The following BICC1 variants were observed in gnomAD, a reference collection of about 807,000 sequenced individuals.
BICC1 encodes protein bicaudal C homolog 1.
BICC1 carries 43 observed loss-of-function variants against 111.0 expected under a neutral mutation model. That is an observed-to-expected ratio of 0.39 (90% CI 0.30 to 0.50). The LOEUF is 0.50. Among genes scored for constraint, BICC1 ranks in the 20% least tolerant of loss-of-function variants. The pLI, the probability that BICC1 is intolerant of heterozygous loss-of-function variation, is 0.88. For missense variants in BICC1, 1,091 were observed against 1,203.2 expected (o/e 0.91, Z 1.38); for synonymous variants, 467 against 434.4 (o/e 1.07, Z -0.93).
Position 58,821,788 on chromosome 10 carries a change from T to C in BICC1, c.2794+1320T>C, listed in dbSNP as rs1287402805. 2.0e-5 allele frequency among the ~76,000 whole-genome samples: 3 copies of C among 152,168 alleles called. No homozygotes were observed. The East Asian group carries it at 5.8e-4, about 29-fold the overall frequency. ...GAACACTGGATTCAATTAGGAGATCTGGGCTTTACTTATGCTAAGTCATGA... is the reference window on the plus strand; with the variant it reads ...GAACACTGGATTCAATTAGGAGATCCGGGCTTTACTTATGCTAAGTCATGA... On this transcript the variant is annotated intron_variant, in intron 20 of 20. Coordinates refer to ENST00000373886, the MANE Select transcript of BICC1 (RefSeq NM_001080512.3).
intron 1 of BICC1, among the ~76,000 whole-genome samples, chr10:58,524,373 C>G (rs1296705055): frequency 2.0e-5 from 3 of 152,012 alleles, no homozygotes; most frequent in East Asian, 1.9e-4. Flanking sequence ...TGGAACAGAA[C>G]AGAGCCCTCA....
chr10:58,653,286 T>G (rs1838509699), intron 2 of BICC1, among the ~76,000 whole-genome samples: 1 of 152,128 alleles, frequency 6.6e-6, no homozygotes, highest in Non-Finnish European at 1.5e-5. Context: ...TAACCAGAAA[T>G]AGTTTTGGGA....
chr10:58,816,491 A>C (rs1345970715), intron 18 of BICC1, among the ~76,000 whole-genome samples: 1 of 152,168 alleles, frequency 6.6e-6, no homozygotes, highest in Non-Finnish European at 1.5e-5. Context: ...TTGGGAGATG[A>C]AAACAACTGG....
intron 2 of BICC1, among the ~76,000 whole-genome samples, chr10:58,628,532 A>G (rs1056485038): frequency 6.6e-6 from 1 of 152,090 alleles, no homozygotes; most frequent in Non-Finnish European, 1.5e-5. Flanking sequence ...TCTTTTCTTC[A>G]GACCAAAGAT....
chr10:58,753,851 C>T (rs919018551), intron 3 of BICC1, among the ~76,000 whole-genome samples: 1 of 151,904 alleles, frequency 6.6e-6, no homozygotes, highest in African/African-American at 2.4e-5. Context: ...GCCATTTTTC[C>T]CTATTCCGTA....
Position 58,822,181 on chromosome 10 carries a change from C to G in BICC1, c.2794+1713C>G, listed in dbSNP as rs571128919. Among the ~76,000 whole-genome samples, 6 of 152,174 alleles carry G rather than the reference C, an allele frequency of 3.9e-5. No homozygotes were observed. In the South Asian group the frequency reaches 1.2e-3, roughly 32 times the overall value. On this transcript the variant is annotated intron_variant, in intron 20 of 20. Transcript: ENST00000373886. ...TACCTGTACTGTTGAAATATGCCTG[C>G]AGGCCAGCAATTTTCTATCAGTGAA...
intron 1 of BICC1, among the ~76,000 whole-genome samples, chr10:58,568,036 G>T (rs548447825): frequency 6.6e-6 from 1 of 152,248 alleles, no homozygotes; most frequent in South Asian, 2.1e-4. Flanking sequence ...TGATCATTTT[G>T]CAGTCAGTGG....
At position 58,823,628 on chromosome 10, in the gene BICC1, A is replaced by G. The variant is rs547171749; in HGVS notation, c.2794+3160A>G. 4 of 985,330 alleles carry G rather than the reference A, an allele frequency of 4.1e-6. No homozygotes were observed. The South Asian group carries it at 1.9e-4, about 46-fold the overall frequency. 61.0% of individuals were successfully genotyped at this position (985,330 alleles called of 1,614,324 possible). ...ATGGCCCAGTTGTTGTCATGTGCTCAGTTATACATGTTATATATGCTAAAG... is the reference window on the plus strand; with the variant it reads ...ATGGCCCAGTTGTTGTCATGTGCTCGGTTATACATGTTATATATGCTAAAG... On this transcript the variant is annotated intron_variant, in intron 20 of 20. Coordinates refer to ENST00000373886, the MANE Select transcript of BICC1 (RefSeq NM_001080512.3).
chr10:58,644,352 G>A (rs1838206245), intron 2 of BICC1, among the ~76,000 whole-genome samples: 1 of 152,214 alleles, frequency 6.6e-6, no homozygotes, highest in Non-Finnish European at 1.5e-5. Flanking sequence ...ACCACTCCCT[G>A]TGTGCCTGGC....
chr10:58,730,024 T>G (rs1841239316), intron 3 of BICC1, among the ~76,000 whole-genome samples: 1 of 152,144 alleles, frequency 6.6e-6, no homozygotes, highest in South Asian at 2.1e-4. Context: ...CCCCCAAGTC[T>G]TAACTCATTC....
chr10:58,787,205 G>A (rs1843035323), intron 5 of BICC1, 124 bp downstream of exon 5: 1 of 834,930 alleles, frequency 1.2e-6, no homozygotes. Context: ...GACATACAGT[G>A]TAGATTGTAC....
intron 1 of BICC1, among the ~76,000 whole-genome samples, chr10:58,576,195 A>G (rs1004016910): frequency 7.2e-5 from 11 of 152,002 alleles, no homozygotes; most frequent in African/African-American, 2.7e-4. Context: ...TTCAGGAACA[A>G]CTCTGTTATA....
chr10:58,665,133 G>T (rs758193416), intron 2 of BICC1, among the ~76,000 whole-genome samples: 4 of 152,084 alleles, frequency 2.6e-5, no homozygotes, highest in Non-Finnish European at 5.9e-5. Flanking sequence ...AGGGTAAGTG[G>T]GTGGTTTGGT....
At chr10:58,547,968 A>G (rs1321964022) in intron 1 of BICC1, among the ~76,000 whole-genome samples, 1 of 152,168 alleles carries the variant, frequency 6.6e-6, no homozygotes, top group African/African-American at 2.4e-5. Context: ...CTAGAAACCA[A>G]GATCTGCTAT....
At chr10:58,814,393 T>G in intron 18 of BICC1, 1 of 448,882 alleles carries the variant, frequency 2.2e-6, no homozygotes, top group Non-Finnish European at 4.0e-6. Flanking sequence ...TGACACCTAG[T>G]AGGTAGGTGC....
intron 3 of BICC1, among the ~76,000 whole-genome samples, chr10:58,717,777 T>C (rs1257233102): frequency 2.0e-5 from 3 of 152,194 alleles, no homozygotes; most frequent in African/African-American, 7.2e-5. Flanking sequence ...TCACAGGATA[T>C]GAGTAACTTT....
intron 1 of BICC1, among the ~76,000 whole-genome samples, chr10:58,513,606 C>G (rs1055344443): frequency 1.3e-5 from 2 of 152,204 alleles, no homozygotes; most frequent in African/African-American, 4.8e-5. Flanking sequence ...ACTGGCGCGC[C>G]CAAGTTGCGT....
In BICC1 at chr10:58,759,247, A is replaced by G. The variant is rs865835626; in HGVS notation, c.308-25754A>G. Among the ~76,000 whole-genome samples, 28 of 152,228 alleles carry G rather than the reference A, an allele frequency of 1.8e-4. No individual in the cohort carries two copies. The Middle Eastern group carries it at 0.01, about 55-fold the overall frequency. On this transcript the variant is annotated intron_variant, in intron 3 of 20. Transcript: ENST00000373886. The stretch of plus-strand genomic sequence containing the variant: ...AGTGCTGCAATTACAGGAGTGAGCA[A>G]CCACACCTGGCCTGATCATTAAAAT...
chr10:58,604,366 T>A (rs1158900758), intron 1 of BICC1, among the ~76,000 whole-genome samples: 2 of 152,090 alleles, frequency 1.3e-5, no homozygotes, highest in African/African-American at 4.8e-5. Flanking sequence ...TACTATTAGG[T>A]CATGAACAAA....
Sources: gnomAD v4.1 joint callset for allele counts (sites outside exome capture counted in the v4.1 genomes callset) on GRCh38, gnomAD v4.1.1 for gene constraint, MANE v1.5 for transcripts, NCBI Gene and HGNC (gene_info 2026-07-23, HGNC 2026-07-21) for gene names.